Variants in TAS2R1 observed in about 807,000 individuals in gnomAD.
The protein encoded by TAS2R1 is taste 2 receptor member 1, also known as taste receptor type 2 member 1.
For missense variants in TAS2R1, 370 were observed against 353.4 expected (o/e 1.05, Z -0.38); for synonymous variants, 141 against 134.2 (o/e 1.05, Z -0.35).
At chr5:9,642,185 G>A (rs560947852) in intron 2 of TAS2R1, among the ~76,000 whole-genome samples, 1 of 152,148 alleles carries the variant, frequency 6.6e-6, no homozygotes, top group African/African-American at 2.4e-5. Context: ...AGGCTGTAAT[G>A]TTCATCTTTC....
chr5:9,859,458 A>G, the TAS2R1 span, among the ~76,000 whole-genome samples: 1 of 152,226 alleles, frequency 6.6e-6, no homozygotes, highest in Non-Finnish European at 1.5e-5. Flanking sequence ...CTGAAAATTC[A>G]GCATTCCTTC....
At chr5:9,752,473 C>A in the TAS2R1 span, among the ~76,000 whole-genome samples, 2 of 152,184 alleles carry the variant, frequency 1.3e-5, no homozygotes, top group South Asian at 4.1e-4. Context: ...TTGGTGCTAT[C>A]TGGCCGTCTA....
the TAS2R1 span, among the ~76,000 whole-genome samples, chr5:9,806,967 C>A: frequency 6.6e-6 from 1 of 151,964 alleles, no homozygotes; most frequent in Non-Finnish European, 1.5e-5. Context: ...ACAGACAACC[C>A]ACAGAGTGGA....
the TAS2R1 span, among the ~76,000 whole-genome samples, chr5:9,737,356 A>G: frequency 6.6e-6 from 1 of 152,206 alleles, no homozygotes; most frequent in African/African-American, 2.4e-5. Context: ...GACCTTGGAC[A>G]AGTTATTTAA....
the TAS2R1 span, among the ~76,000 whole-genome samples, chr5:9,896,503 G>A: frequency 6.6e-6 from 1 of 152,166 alleles, no homozygotes; most frequent in South Asian, 2.1e-4. Flanking sequence ...TCTGTTACTT[G>A]TCCTCCCTTC....
the TAS2R1 span, among the ~76,000 whole-genome samples, chr5:9,830,560 TGATA>T: frequency 6.7e-6 from 1 of 150,328 alleles, no homozygotes; most frequent in East Asian, 2.0e-4. Flanking sequence ...AATAGAGAGA[TGATA>T]GATGGTTGGT....
chr5:9,872,037 T>C, the TAS2R1 span, among the ~76,000 whole-genome samples: 3 of 152,212 alleles, frequency 2.0e-5, no homozygotes, highest in Non-Finnish European at 2.9e-5. Flanking sequence ...AATAAAGTTA[T>C]ATATGGGCAT....
At chr5:9,674,421 A>G (rs1163807739) in intron 1 of TAS2R1, among the ~76,000 whole-genome samples, 2 of 152,214 alleles carry the variant, frequency 1.3e-5, no homozygotes, top group Non-Finnish European at 2.9e-5. Context: ...TTCCCCTGGC[A>G]TAATGTTTAT....
the TAS2R1 span, among the ~76,000 whole-genome samples, chr5:9,725,607 C>G: frequency 6.6e-6 from 1 of 152,184 alleles, no homozygotes. Context: ...CGCCCCTCCC[C>G]CATCCGCCCC....
chr5:9,857,943 G>A, the TAS2R1 span, among the ~76,000 whole-genome samples: 60 of 152,254 alleles, frequency 3.9e-4, no homozygotes, highest in African/African-American at 1.3e-3. Flanking sequence ...CTGGTGCCTG[G>A]GTCTGCAGGT....
intron 1 of TAS2R1, among the ~76,000 whole-genome samples, chr5:9,684,767 C>A (rs556104507): frequency 6.6e-6 from 1 of 152,012 alleles, no homozygotes; most frequent in Non-Finnish European, 1.5e-5. Flanking sequence ...GATATAATTA[C>A]CCTAATTTGA....
the TAS2R1 span, among the ~76,000 whole-genome samples, chr5:9,844,100 C>A: frequency 6.6e-6 from 1 of 152,092 alleles, no homozygotes; most frequent in African/African-American, 2.4e-5. Context: ...ATCATCTTTG[C>A]GTATTCTACT....
At chr5:9,726,926 G>A in the TAS2R1 span, among the ~76,000 whole-genome samples, 4 of 152,314 alleles carry the variant, frequency 2.6e-5, no homozygotes, top group South Asian at 8.3e-4. Context: ...GTTTACCTAC[G>A]GATGGAGTTT....
intron 1 of TAS2R1, among the ~76,000 whole-genome samples, chr5:9,695,694 C>T (rs1406040952): frequency 6.6e-6 from 1 of 152,124 alleles, no homozygotes; most frequent in Non-Finnish European, 1.5e-5. Context: ...AAAAAGACCA[C>T]AACCAAACAC....
At chr5:9,855,812 C>T in the TAS2R1 span, among the ~76,000 whole-genome samples, 35 of 152,148 alleles carry the variant, frequency 2.3e-4, no homozygotes, top group Non-Finnish European at 4.6e-4. Context: ...TACCACAATG[C>T]CTTCAGGTAT....
the TAS2R1 span, among the ~76,000 whole-genome samples, chr5:9,722,401 A>G: frequency 1.3e-5 from 2 of 152,268 alleles, no homozygotes; most frequent in Non-Finnish European, 2.9e-5. Flanking sequence ...TCTACATTGT[A>G]CTAACACTAT....
intron 1 of TAS2R1, among the ~76,000 whole-genome samples, chr5:9,698,871 T>G (rs771287221): frequency 6.6e-6 from 1 of 152,218 alleles, no homozygotes; most frequent in Non-Finnish European, 1.5e-5. Context: ...TCCATGCTGT[T>G]TCTGTGTGTG....
chr5:9,628,876 C>A lies in TAS2R1; in HGVS notation c.*257G>T. The A allele has an allele frequency of 3.0e-6, 1 of 333,592 alleles. No homozygotes were observed. Among genetic ancestry groups the A allele is most frequent in the Non-Finnish European group, 5.4e-6 (1 of 185,660 alleles). The allele number at this position is 333,592 out of a possible 1,614,324, so 20.7% of individuals were successfully genotyped here. On this transcript the variant is annotated 3_prime_UTR_variant, in exon 1 of 1. Coordinates refer to ENST00000382492, the MANE Select transcript of TAS2R1 (RefSeq NM_019599.3). ...TACTCAGTTTTCCCAATGGTAACAA[C>A]TTGCACGATGATAGTACAATATCAC...
the TAS2R1 span, among the ~76,000 whole-genome samples, chr5:9,724,656 C>T: frequency 1.3e-5 from 2 of 152,128 alleles, no homozygotes; most frequent in Non-Finnish European, 2.9e-5. Context: ...TCTGATGTCA[C>T]AGAGCCAGGT....
Sources: allele counts gnomAD v4.1 joint callset (sites outside exome capture counted in the v4.1 genomes callset), GRCh38; gene constraint gnomAD v4.1.1; transcripts MANE v1.5; gene names NCBI Gene and HGNC (gene_info 2026-07-23, HGNC 2026-07-21).